Variants in NOL4 observed in about 807,000 individuals in gnomAD.
The protein encoded by NOL4 is cancer/testis antigen 125.
A neutral mutation model predicts 75.9 loss-of-function variants in NOL4; 17 were observed. The ratio of observed to expected loss-of-function variants is 0.22; its 90% CI spans 0.15 to 0.34. NOL4 has a LOEUF of 0.34. Ranked by LOEUF, NOL4 falls within the 10% of genes least tolerant of loss-of-function variation. NOL4 has a pLI of 1.00. For synonymous variants in NOL4, 292 were observed against 289.9 expected (o/e 1.01, Z -0.07); for missense variants, 614 against 793.5 (o/e 0.77, Z 2.72).
At chr18:34,080,132 C>A (rs777067056) in intron 5 of NOL4, among the ~76,000 whole-genome samples, 6 of 152,182 alleles carry the variant, frequency 3.9e-5, no homozygotes, top group Non-Finnish European at 8.8e-5. Context: ...TGTTCTTGTG[C>A]CTTTTGTCAC....
intron 5 of NOL4, among the ~76,000 whole-genome samples, chr18:34,083,935 G>T (rs1330023246): frequency 6.6e-6 from 1 of 152,190 alleles, no homozygotes; most frequent in Non-Finnish European, 1.5e-5. Flanking sequence ...GGCTACTGCG[G>T]TTTGTTGGGG....
intron 10 of NOL4, among the ~76,000 whole-genome samples, chr18:33,858,463 C>A (rs1444549187): frequency 2.0e-5 from 3 of 151,796 alleles, no homozygotes; most frequent in Non-Finnish European, 4.4e-5. Flanking sequence ...CCATCCAGCA[C>A]AATGCCTGGT....
chr18:34,167,044 CAAAAAAAAAAAAAAAAAAAAAAAA>C lies in NOL4; in HGVS notation c.265-37048_265-37025del, dbSNP rs1174730527. 4.6e-3 allele frequency among the ~76,000 whole-genome samples: 26 copies of C among 5,666 alleles called. 7 individuals carry two copies. The highest frequency in any genetic ancestry group is 0.01 in the Admixed American group (2 of 198). The allele number at this position is 5,666 out of a possible 152,430, so 3.7% of individuals were successfully genotyped here. ...TGGGCGACAGAGCGAGACTCCGTCT[CAAAAAAAAAAAAAAAAAAAAAAAA>C]AAAAAAAAAAAATAGTAAAAAAAAA... On this transcript the variant is annotated intron_variant, in intron 1 of 10. Transcript: ENST00000261592.
chr18:34,105,209 A>G (rs774914447), intron 2 of NOL4, 49 bp from the exon 3 acceptor site: 31 of 1,164,394 alleles, frequency 2.7e-5, no homozygotes, highest in Non-Finnish European at 3.6e-5. Flanking sequence ...CTCACTGAGC[A>G]TGATTTAACA....
chr18:33,895,303 G>T (rs543075702), intron 9 of NOL4, among the ~76,000 whole-genome samples: 1 of 151,996 alleles, frequency 6.6e-6, no homozygotes, highest in East Asian at 1.9e-4. Context: ...AAACTTCCCC[G>T]ATCAACATAA....
intron 9 of NOL4, among the ~76,000 whole-genome samples, chr18:33,887,033 ATAT>A (rs1360268226): frequency 2.8e-5 from 4 of 140,776 alleles, no homozygotes; most frequent in Non-Finnish European, 4.6e-5. Context: ...ATATCTAGAT[ATAT>A]TATATCTAGA....
At chr18:33,988,842 C>T (rs1000933476) in intron 6 of NOL4, among the ~76,000 whole-genome samples, 4 of 151,816 alleles carry the variant, frequency 2.6e-5, no homozygotes, top group Admixed American at 6.6e-5. Flanking sequence ...TCCTTTTCTG[C>T]GGGCAATGGA....
chr18:33,946,701 T>G (rs1334831841), intron 8 of NOL4, among the ~76,000 whole-genome samples: 2 of 151,780 alleles, frequency 1.3e-5, no homozygotes, highest in African/African-American at 4.8e-5. Flanking sequence ...TTCAGTTAAA[T>G]GGTTGAAGTC....
chr18:33,982,788 T>C (rs2072078784), intron 6 of NOL4, among the ~76,000 whole-genome samples: 1 of 150,104 alleles, frequency 6.7e-6, no homozygotes, highest in Non-Finnish European at 1.5e-5. Context: ...TTCACTCTTG[T>C]TCCCCAGGCT....
At chr18:34,216,992 C>T (rs2146607452) in intron 1 of NOL4, among the ~76,000 whole-genome samples, 1 of 152,152 alleles carries the variant, frequency 6.6e-6, no homozygotes, top group East Asian at 1.9e-4. Flanking sequence ...TCTGCCTGTC[C>T]ATATGCAACT....
At chr18:34,130,148 A>C (rs2080572751) in intron 1 of NOL4, 128 bp from the exon 2 acceptor site, 3 of 792,856 alleles carry the variant, frequency 3.8e-6, no homozygotes, top group African/African-American at 1.8e-5. Context: ...AAACGTCAAA[A>C]ATTCATGAAT....
intron 6 of NOL4, among the ~76,000 whole-genome samples, chr18:33,998,736 C>T (rs1300059483): frequency 6.6e-6 from 1 of 152,054 alleles, no homozygotes. Flanking sequence ...AGTGTTCAAT[C>T]AATGTTTGCT....
chr18:34,139,933 T>C lies in NOL4; in HGVS notation c.265-9913A>G, dbSNP rs1422387952. The stretch of plus-strand genomic sequence containing the variant: ...CTTTATTTCTGCCTTCATTTTGTTA[T>C]GTACCCAGTAGTCATTCAGGAGCAG... On this transcript the variant is annotated intron_variant, in intron 1 of 10. Coordinates refer to ENST00000261592, the MANE Select transcript of NOL4 (RefSeq NM_003787.5). 2.0e-5 allele frequency among the ~76,000 whole-genome samples: 3 copies of C among 152,346 alleles called. No individual in the cohort carries two copies. The East Asian group carries it at 5.8e-4, about 29-fold the overall frequency.
chr18:34,223,133 T>C lies in NOL4; in HGVS notation c.121A>G (p.Asn41Asp), dbSNP rs1179366151. Residue 41 changes from asparagine (N) to aspartate (D), a missense_variant, in exon 1 of 11, where the codon AAT (asparagine) becomes GAT (aspartate). Physicochemically the swap from Asn to Asp is conservative, Grantham distance 23. Around this residue, in one of 9 missense-constraint regions of NOL4, gnomAD observed 35 missense variants for 29.2 expected, o/e 1.20. Transcript: ENST00000261592. ...TCCGTGGAGCTCGACTCGGAGCCAT[T>C]GAGGAGCTGGACGATCCGTTCGTAT... The part of the protein sequence containing the change: ...KKYERIVQLL[N>D]GSESSSTDNA... 8 of 1,614,182 alleles carry C rather than the reference T, an allele frequency of 5.0e-6. No homozygotes were observed. The highest frequency in any genetic ancestry group is 2.2e-5 in the East Asian group (1 of 44,854).
chr18:33,917,866 T>C (rs956758605), intron 9 of NOL4, among the ~76,000 whole-genome samples: 1 of 152,146 alleles, frequency 6.6e-6, no homozygotes, highest in Non-Finnish European at 1.5e-5. Context: ...GATTGCTAAT[T>C]GAAGCTGTCT....
At chr18:34,011,716 T>C (rs886168198) in intron 6 of NOL4, among the ~76,000 whole-genome samples, 26 of 151,816 alleles carry the variant, frequency 1.7e-4, no homozygotes, top group African/African-American at 6.0e-4. Context: ...AATAGACAAC[T>C]TCTTTTTGAG....
At chr18:33,877,437 T>TAAAAAAAA (rs35251455) in intron 10 of NOL4, among the ~76,000 whole-genome samples, 5 of 106,232 alleles carry the variant, frequency 4.7e-5, no homozygotes, top group African/African-American at 1.4e-4. Context: ...GACCTTGCCT[T>TAAAAAAAA]AAAAAAAAAA....
intron 6 of NOL4, among the ~76,000 whole-genome samples, chr18:34,010,820 T>G (rs1481815197): frequency 6.6e-6 from 1 of 151,976 alleles, no homozygotes; most frequent in African/African-American, 2.4e-5. Context: ...TTGAGCATTT[T>G]TTCATATACC....
intron 6 of NOL4, among the ~76,000 whole-genome samples, chr18:33,973,777 T>C (rs540670838): frequency 1.1e-4 from 17 of 152,318 alleles, no homozygotes; most frequent in Admixed American, 4.6e-4. Context: ...TAAGTCTCAA[T>C]AGTGGGCTCA....
Sources: allele counts gnomAD v4.1 joint callset (sites outside exome capture counted in the v4.1 genomes callset), GRCh38; gene constraint gnomAD v4.1.1; regional missense constraint gnomAD v4.1.1; transcripts MANE v1.5; gene names NCBI Gene and HGNC (gene_info 2026-07-23, HGNC 2026-07-21).